OPRM1: variants seen among roughly 807,000 people sequenced by gnomAD.
OPRM1 encodes mu-type opioid receptor.
In OPRM1, 27 loss-of-function variants were observed where a neutral mutation model predicts 31.8. That is an observed-to-expected ratio of 0.85 (90% CI 0.63 to 1.17). OPRM1 has a LOEUF of 1.17. Among genes scored for constraint, OPRM1 ranks in the 50% most tolerant of loss-of-function variants. OPRM1 has a pLI of 0.00. For synonymous variants in OPRM1, 196 were observed against 189.9 expected (o/e 1.03, Z -0.26); for missense variants, 536 against 511.1 (o/e 1.05, Z -0.47).
rs748857790 is a variant in OPRM1 at position 154,039,335 on chromosome 6, G to C, written c.-210G>C. 3 of 1,549,260 alleles carry C rather than the reference G, an allele frequency of 1.9e-6. No individual in the cohort carries two copies. The highest frequency in any genetic ancestry group is 2.6e-6 in the Non-Finnish European group (3 of 1,145,666). ...TGAGCCTCTGTGAACTACTAAGGTG[G>C]GAGGGGGCTATACGCAGAGGAGAAT... On this transcript the variant is annotated 5_prime_UTR_variant, in exon 1 of 4. Transcript: ENST00000330432.
chr6:154,035,169 CA>C (rs1364153270), upstream of OPRM1, among the ~76,000 whole-genome samples: 3 of 151,910 alleles, frequency 2.0e-5, no homozygotes, highest in Non-Finnish European at 4.4e-5. Flanking sequence ...TAGTAAGTCA[CA>C]AGGAAGTAAA....
rs541414937 is a variant in OPRM1 at position 154,022,059 on chromosome 6, C to G, written c.-1+11041C>G. On this transcript the variant is annotated intron_variant, in intron 1 of 5. Coordinates refer to the OPRM1 transcript ENST00000434900. ...GAGACGTCCTTGCCTTGCTCCTTAT[C>G]TTAGTGGGAAAGCTTCAATTTCTTA... Among the ~76,000 whole-genome samples, 3 of 152,282 alleles carry G rather than the reference C, an allele frequency of 2.0e-5. No homozygotes were observed. The East Asian group carries it at 5.8e-4, about 29-fold the overall frequency.
At chr6:154,244,873 G>A (rs963538035) in intron 3 of OPRM1, among the ~76,000 whole-genome samples, 6 of 152,108 alleles carry the variant, frequency 3.9e-5, no homozygotes, top group African/African-American at 7.2e-5. Flanking sequence ...CTCCATCAGC[G>A]TCCAATCTTT....
rs575139572 is a variant in OPRM1 at position 154,168,467 on chromosome 6, T to C, written c.1164+76995T>C. ...CCCCTATTTATGAGGGTATCAGTCA[T>C]GTTGGATTAGAAACCTGCCCTATTA... On this transcript the variant is annotated intron_variant, in intron 3 of 3. Transcript: ENST00000337049. The surrounding 1 kb of genome is among the most constrained non-coding windows in gnomAD (Gnocchi z 4.1). 1.2e-4 allele frequency among the ~76,000 whole-genome samples: 19 copies of C among 152,284 alleles called. No individual in the cohort carries two copies. The highest frequency in any genetic ancestry group is 4.3e-4 in the African/African-American group (18 of 41,570).
intron 3 of OPRM1, chr6:154,214,238 T>C (rs1225156705): frequency 6.2e-7 from 1 of 1,610,166 alleles, no homozygotes; most frequent in Non-Finnish European, 8.5e-7. Flanking sequence ...TGTAGTGGAT[T>C]CCTGATGGAT....
At chr6:154,210,280 A>G (rs1044233897) in intron 3 of OPRM1, among the ~76,000 whole-genome samples, 1 of 152,220 alleles carries the variant, frequency 6.6e-6, no homozygotes, top group Non-Finnish European at 1.5e-5. Context: ...TGAAAATGCC[A>G]GTATTTTACA....
Position 154,110,441 on chromosome 6 carries a change from T to G in OPRM1, c.1165-8242T>G, listed in dbSNP as rs1188342805. 6.3e-6 allele frequency: 9 copies of G among 1,431,166 alleles called. No individual in the cohort carries two copies. In the Admixed American group the frequency reaches 1.8e-4, roughly 28 times the overall value. 88.7% of individuals were successfully genotyped at this position (1,431,166 alleles called of 1,614,324 possible). On this transcript the variant is annotated intron_variant, in intron 3 of 3. Transcript: ENST00000330432. ...TACAATATTTTCCCGTGAAAGAATA[T>G]AAGATTGGAAGCCAGAGAGCCTGGG...
intron 1 of OPRM1, among the ~76,000 whole-genome samples, chr6:154,023,223 CTTTT>C (rs1778490712): frequency 6.7e-6 from 1 of 149,378 alleles, no homozygotes; most frequent in African/African-American, 2.5e-5. Context: ...TTTTACATTT[CTTTT>C]ATTACTTTTT....
chr6:154,017,970 G>C (rs1274265821), intron 1 of OPRM1, among the ~76,000 whole-genome samples: 3 of 152,144 alleles, frequency 2.0e-5, no homozygotes, highest in African/African-American at 7.2e-5. Flanking sequence ...CCAAGTGAGA[G>C]GCACTGAACT....
intron 3 of OPRM1, among the ~76,000 whole-genome samples, chr6:154,211,561 C>T (rs1018229046): frequency 4.9e-4 from 74 of 152,136 alleles, no homozygotes; most frequent in African/African-American, 1.7e-3. Context: ...ACAGGAATAT[C>T]TACTTCCTCA....
At chr6:154,180,477 G>C (rs1040131328) in intron 3 of OPRM1, among the ~76,000 whole-genome samples, 1 of 147,448 alleles carries the variant, frequency 6.8e-6, no homozygotes, top group Non-Finnish European at 1.5e-5. Context: ...AACATTTTTA[G>C]CCAACAGTTA....
At chr6:154,235,547 A>AAT (rs372812797) in intron 3 of OPRM1, among the ~76,000 whole-genome samples, 15,081 of 149,786 alleles carry the variant, frequency 0.1, 1,510 homozygotes, top group East Asian at 0.54. Context: ...AAAAAAAAAA[A>AAT]AAAAGTAATG....
At chr6:154,100,100 G>GAC (rs10657351) in intron 3 of OPRM1, among the ~76,000 whole-genome samples, 3,760 of 58,952 alleles carry the variant, frequency 0.064, 664 homozygotes, top group Middle Eastern at 0.13. Context: ...ATCATATTAT[G>GAC]ATATATATAT....
chr6:154,032,793 C>G (rs1268995338), intron 1 of OPRM1, among the ~76,000 whole-genome samples: 1 of 152,128 alleles, frequency 6.6e-6, no homozygotes, highest in Non-Finnish European at 1.5e-5. Flanking sequence ...GGAAGGCTGC[C>G]AGATTTTTGC....
chr6:154,116,783 C>G (rs923519119), intron 3 of OPRM1, among the ~76,000 whole-genome samples: 1 of 152,010 alleles, frequency 6.6e-6, no homozygotes, highest in African/African-American at 2.4e-5. Context: ...AAGGCATAAC[C>G]TTTCTTACTC....
chr6:154,019,026 G>C (rs1322043492), intron 1 of OPRM1, among the ~76,000 whole-genome samples: 1 of 151,880 alleles, frequency 6.6e-6, no homozygotes, highest in Non-Finnish European at 1.5e-5. Context: ...GGTATGTTTT[G>C]ATACACGCAT....
intron 3 of OPRM1, among the ~76,000 whole-genome samples, chr6:154,215,986 G>T (rs560414783): frequency 6.6e-6 from 1 of 152,228 alleles, no homozygotes; most frequent in Admixed American, 6.5e-5. Flanking sequence ...TATTTAGCAG[G>T]AAACAGAAAA....
chr6:154,011,191 A>G (rs1375714441), intron 1 of OPRM1, among the ~76,000 whole-genome samples: 4 of 152,106 alleles, frequency 2.6e-5, no homozygotes, highest in Non-Finnish European at 1.5e-5. Context: ...GTAGTTAACA[A>G]TTTTGTGGGT....
rs34427887 is a variant in OPRM1 at position 154,246,729 on chromosome 6, C to T, written c.1201C>T (p.Arg401Ter). 103,948 of 1,613,866 alleles carry T rather than the reference C, an allele frequency of 0.064. 3,808 individuals carry two copies. The highest frequency in any genetic ancestry group is 0.074 in the Non-Finnish European group (86,763 of 1,179,876). ...AGTCAGCATGGCCCAGATCTTTACACGATATCCTCCTCCGACTCATCGTGA... is the reference window on the plus strand; with the variant it reads ...AGTCAGCATGGCCCAGATCTTTACATGATATCCTCCTCCGACTCATCGTGA... Residue 401 changes from arginine (R) to a stop codon, truncating the protein, a stop_gained, in exon 4 of 4, where the codon CGA becomes TGA. Coordinates refer to the OPRM1 transcript ENST00000337049. LOFTEE classifies it high-confidence loss of function.
Sources: allele counts gnomAD v4.1 joint callset (sites outside exome capture counted in the v4.1 genomes callset), GRCh38; gene constraint gnomAD v4.1.1; non-coding constraint Gnocchi (gnomAD v3.1); transcripts MANE v1.5; gene names NCBI Gene and HGNC (gene_info 2026-07-23, HGNC 2026-07-21).